Variants in ZEB2 observed in about 807,000 individuals in gnomAD.
ZEB2 encodes the protein zinc finger E-box binding homeobox 2.
A neutral mutation model predicts 99.9 loss-of-function variants in ZEB2; 6 were observed. The ratio of observed to expected loss-of-function variants is 0.06; its 90% confidence interval spans 0.03 to 0.12. The LOEUF (loss-of-function observed/expected upper bound fraction) is 0.12. ZEB2 is among the 10% of genes least tolerant of loss of function. The pLI is 1.00. For synonymous variants in ZEB2, 517 were observed against 542.5 expected, an observed-to-expected ratio of 0.95 and a Z score of 0.65; for missense variants, 969 against 1,502.8, an observed-to-expected ratio of 0.64 and a Z score of 5.87.
rs1192746481 is a variant in ZEB2, at chr2:144,399,319, T to C, written c.1868A>G (p.Asn623Ser). The C allele has an allele frequency of 1.9e-6, 3 of 1,613,988 alleles. No individual in the cohort carries two copies. The African/African-American group carries it at 4.0e-5, about 22-fold the overall frequency. Residue 623 changes from asparagine (N) to serine (S), a missense_variant, in exon 8 of 10, where the codon AAC (asparagine) becomes AGC (serine). Asn to Ser is a conservative substitution (Grantham distance 46). This residue lies in a region of ZEB2 where 346 missense variants were observed against 460.0 expected (regional missense o/e 0.75). Coordinates refer to ENST00000627532, the MANE Select transcript of ZEB2 (RefSeq NM_014795.4). The surrounding 1 kb of genome is among the most constrained non-coding windows in gnomAD (Gnocchi z 5.6). ...VLQPHENIVP[N>S]KAGVFVDNKA... ...ATTATCAACAAAAACTCCGGCTTTG[T>C]TGGGGACTATGTTTTCATGAGGCTG...
Position 144,399,249 on chromosome 2 carries a change from T to G in ZEB2, c.1938A>C (p.Thr646=). 6.2e-7 allele frequency: 1 copy of G among 1,614,196 alleles called. No individual in the cohort carries two copies. The highest frequency in any genetic ancestry group is 8.5e-7 in the Non-Finnish European group (1 of 1,180,032). ...GGTCCTTGTATGGGTTGATGGGGCT[T>G]GTCATTCCTTTCTCAGAAAGTACAG... ...LSSVLSEKGM[T]SPINPYKDHM... Residue 646 remains threonine (T), a synonymous_variant, in exon 8 of 10, where the codon ACA becomes ACC. Transcript: ENST00000627532. This position sits in a 1 kb window ranked among gnomAD's most constrained non-coding sequence, Gnocchi z 5.6.
At chr2:144,433,319 G>A (rs1703797569) in intron 2 of ZEB2, among the ~76,000 whole-genome samples, 1 of 152,160 alleles carries the variant, frequency 6.6e-6, no homozygotes, top group African/African-American at 2.4e-5. Flanking sequence ...ACAATTCTGT[G>A]TAACAGTTGC....
chr2:144,487,340 C>G (rs745315860), intron 2 of ZEB2, among the ~76,000 whole-genome samples: 9 of 152,148 alleles, frequency 5.9e-5, no homozygotes, highest in Non-Finnish European at 1.2e-4. Flanking sequence ...ACTGCCCCAA[C>G]AGCCAGCACA....
chr2:144,445,344 G>A (rs1703968826), intron 2 of ZEB2, among the ~76,000 whole-genome samples: 1 of 150,272 alleles, frequency 6.7e-6, no homozygotes, highest in Admixed American at 6.6e-5. Flanking sequence ...GGTATGGAAA[G>A]GTGGTAATTA....
chr2:144,473,677 A>G (rs756061775), intron 2 of ZEB2, among the ~76,000 whole-genome samples: 2 of 152,162 alleles, frequency 1.3e-5, no homozygotes. Context: ...TGCCAAGAAG[A>G]TGATCTAGAA....
At chr2:144,400,555 A>G (rs777451807) in intron 7 of ZEB2, among the ~76,000 whole-genome samples, 9 of 152,328 alleles carry the variant, frequency 5.9e-5, no homozygotes, top group African/African-American at 2.2e-4. Context: ...ATTTAAACAG[A>G]GTGTCAGACT....
At chr2:144,473,449 G>C (rs1293435226) in intron 2 of ZEB2, among the ~76,000 whole-genome samples, 2 of 152,132 alleles carry the variant, frequency 1.3e-5, no homozygotes, top group Non-Finnish European at 2.9e-5. Context: ...TTTTGGTAGA[G>C]ACAGGGTCCC....
At chr2:144,479,786 T>A (rs1704484209) in intron 2 of ZEB2, among the ~76,000 whole-genome samples, 1 of 151,502 alleles carries the variant, frequency 6.6e-6, no homozygotes, top group South Asian at 2.1e-4. Flanking sequence ...AGGTCACCTA[T>A]CTTTGCGACA....
At chr2:144,500,238 G>A (rs1014389664) in intron 2 of ZEB2, among the ~76,000 whole-genome samples, 86 of 152,190 alleles carry the variant, frequency 5.7e-4, no homozygotes, top group African/African-American at 2.0e-3. Context: ...CTTAGGCAGC[G>A]CGACCGCATT....
chr2:144,467,043 T>C (rs942027163), intron 2 of ZEB2, among the ~76,000 whole-genome samples: 3 of 152,138 alleles, frequency 2.0e-5, no homozygotes, highest in African/African-American at 7.2e-5. Context: ...AAGACTGACA[T>C]AAGGAATGGT....
chr2:144,391,304 T>C (rs958365473), intron 9 of ZEB2, among the ~76,000 whole-genome samples: 2 of 152,228 alleles, frequency 1.3e-5, no homozygotes, highest in Admixed American at 1.3e-4. Flanking sequence ...GAATGTCCAC[T>C]AGAAATTTAG....
chr2:144,417,121 C>T (rs1189159657), intron 4 of ZEB2, among the ~76,000 whole-genome samples: 1 of 152,198 alleles, frequency 6.6e-6, no homozygotes, highest in East Asian at 1.9e-4. Flanking sequence ...TTTGTGATGA[C>T]TAACAAAATG....
intron 2 of ZEB2, among the ~76,000 whole-genome samples, chr2:144,439,567 G>A (rs1398791757): frequency 3.9e-5 from 6 of 152,178 alleles, no homozygotes; most frequent in African/African-American, 4.8e-5. Flanking sequence ...TTTCTCCTAC[G>A]TGATTTTGGC....
intron 2 of ZEB2, among the ~76,000 whole-genome samples, chr2:144,475,130 T>A (rs1334269024): frequency 6.6e-6 from 1 of 152,192 alleles, no homozygotes; most frequent in African/African-American, 2.4e-5. Context: ...TTTGTCATAA[T>A]AAAAGTATGG....
chr2:144,514,682 A>G (rs1293625047), intron 2 of ZEB2, among the ~76,000 whole-genome samples: 2 of 152,228 alleles, frequency 1.3e-5, no homozygotes, highest in Admixed American at 6.5e-5. Context: ...GTCAGATTAA[A>G]CCCAGTGAAA....
chr2:144,503,477 A>G (rs1704903280), intron 2 of ZEB2, among the ~76,000 whole-genome samples: 1 of 152,196 alleles, frequency 6.6e-6, no homozygotes, highest in Non-Finnish European at 1.5e-5. Context: ...CCTGTCATAC[A>G]CAGAGCTAGA....
In ZEB2 at chr2:144,430,098, T is replaced by C. The variant is rs1703750317; in HGVS notation, c.74-72A>G. ...ACATCAGCCACCCCTAATTGTTTAG[T>C]TAAATGGAAAATAATTAATATTTTC... is the stretch of plus-strand genomic sequence containing the variant. On this transcript the variant is annotated intron_variant, in intron 2 of 9. Coordinates refer to ENST00000627532, the MANE Select transcript of ZEB2 (RefSeq NM_014795.4). 6.3e-6 allele frequency: 10 copies of C among 1,584,326 alleles called. No individual in the cohort carries two copies. The South Asian group carries it at 1.1e-4, about 18-fold the overall frequency.
At chr2:144,487,755 G>T (rs1011821754) in intron 2 of ZEB2, among the ~76,000 whole-genome samples, 1 of 152,102 alleles carries the variant, frequency 6.6e-6, no homozygotes, top group African/African-American at 2.4e-5. Context: ...CTCTGAAAAA[G>T]AATTCAAGCT....
At chr2:144,464,163 T>A (rs1473726238) in intron 2 of ZEB2, 1 of 152,226 alleles carries the variant, frequency 6.6e-6, no homozygotes, top group Non-Finnish European at 1.5e-5. Context: ...ATGTTTGCCT[T>A]ACCTCTCTAT....
Sources: allele counts gnomAD v4.1 joint callset (sites outside exome capture counted in the v4.1 genomes callset), GRCh38; gene constraint gnomAD v4.1.1; regional missense constraint gnomAD v4.1.1; non-coding constraint Gnocchi (gnomAD v3.1); transcripts MANE v1.5; gene names NCBI Gene and HGNC (gene_info 2026-07-23, HGNC 2026-07-21).